The following TTC23 variants were observed in gnomAD, a reference collection of about 807,000 sequenced individuals.
TTC23 encodes tetratricopeptide repeat domain 23.
A neutral mutation model predicts 55.1 loss-of-function variants in TTC23; 58 were observed. The observed-to-expected ratio is 1.05, with a 90% confidence interval of 0.85 to 1.31. TTC23 has a LOEUF of 1.31. Among genes scored for constraint, TTC23 ranks in the 50% most tolerant of loss-of-function variants. The pLI is 0.00. For missense variants in TTC23, 516 were observed against 534.4 expected (o/e 0.97, Z 0.34); for synonymous variants, 203 against 199.9 (o/e 1.02, Z -0.13).
intron 5 of TTC23, among the ~76,000 whole-genome samples, chr15:99,225,948 C>A (rs974937462): frequency 1.3e-5 from 2 of 152,186 alleles, no homozygotes; most frequent in African/African-American, 2.4e-5. Context: ...CTAAGGAGCG[C>A]CCCATGTCAC....
intron 12 of TTC23, among the ~76,000 whole-genome samples, chr15:99,143,544 A>G (rs1555491434): frequency 2.6e-5 from 4 of 152,224 alleles, no homozygotes; most frequent in Non-Finnish European, 5.9e-5. Flanking sequence ...GCTCCTTGTA[A>G]TCAGCCACTA....
At chr15:99,243,683 C>T (rs1193219832) in intron 2 of TTC23, among the ~76,000 whole-genome samples, 2 of 152,054 alleles carry the variant, frequency 1.3e-5, no homozygotes, top group Non-Finnish European at 2.9e-5. Flanking sequence ...ATGGATGAAA[C>T]TGAAGGATAT....
intron 12 of TTC23, among the ~76,000 whole-genome samples, chr15:99,153,184 C>T (rs2070072664): frequency 6.6e-6 from 1 of 152,220 alleles, no homozygotes. Context: ...CTCTCCCTCA[C>T]TAAAATGTCT....
chr15:99,165,264 C>T (rs1398334464), intron 10 of TTC23, among the ~76,000 whole-genome samples: 1 of 152,168 alleles, frequency 6.6e-6, no homozygotes, highest in African/African-American at 2.4e-5. Context: ...TCAAAAGACA[C>T]AGAAGTCTAG....
intron 12 of TTC23, among the ~76,000 whole-genome samples, chr15:99,152,028 C>T (rs1414343713): frequency 6.6e-6 from 1 of 152,146 alleles, no homozygotes; most frequent in Non-Finnish European, 1.5e-5. Context: ...TTATAATCCC[C>T]AATATTGGAG....
chr15:99,216,630 T>C (rs1433449938), intron 8 of TTC23, among the ~76,000 whole-genome samples: 3 of 152,182 alleles, frequency 2.0e-5, no homozygotes, highest in Non-Finnish European at 4.4e-5. Flanking sequence ...TGAAAAGTAT[T>C]CAAACTCACT....
At chr15:99,246,483 T>G (rs1043256472) in intron 1 of TTC23, among the ~76,000 whole-genome samples, 1 of 151,304 alleles carries the variant, frequency 6.6e-6, no homozygotes, top group Non-Finnish European at 1.5e-5. Context: ...GGCATAGTAG[T>G]GGGCACCTGT....
chr15:99,238,766 TG>T (rs2079530758), intron 3 of TTC23, among the ~76,000 whole-genome samples: 1 of 152,168 alleles, frequency 6.6e-6, no homozygotes, highest in African/African-American at 2.4e-5. Context: ...ACACAAATAT[TG>T]GTTCCACAAA....
chr15:99,196,208 T>C (rs1045693900), intron 9 of TTC23, among the ~76,000 whole-genome samples: 1 of 147,074 alleles, frequency 6.8e-6, no homozygotes, highest in African/African-American at 2.5e-5. Context: ...TTAAAGTAAA[T>C]TTGAGACTCT....
intron 9 of TTC23, among the ~76,000 whole-genome samples, chr15:99,188,303 G>A (rs2074916843): frequency 2.0e-5 from 3 of 152,032 alleles, no homozygotes; most frequent in Non-Finnish European, 2.9e-5. Flanking sequence ...AATCCATAGA[G>A]ATAGAAAGTA....
intron 9 of TTC23, among the ~76,000 whole-genome samples, chr15:99,196,151 CAAAAA>C (rs955106376): frequency 2.4e-4 from 14 of 58,936 alleles, no homozygotes; most frequent in African/African-American, 8.5e-4. Flanking sequence ...GACTCTGTCT[CAAAAA>C]AAAAAAAAAA....
chr15:99,184,246 C>A (rs1397858191), intron 9 of TTC23, among the ~76,000 whole-genome samples: 1 of 152,184 alleles, frequency 6.6e-6, no homozygotes, highest in African/African-American at 2.4e-5. Flanking sequence ...TCCACTGGGG[C>A]ACTGCCTAGT....
At chr15:99,192,869 T>G (rs1189367023) in intron 9 of TTC23, among the ~76,000 whole-genome samples, 9 of 152,310 alleles carry the variant, frequency 5.9e-5, no homozygotes, top group Middle Eastern at 6.8e-3. Flanking sequence ...GGCTGTACCC[T>G]GCAAAGCCAC....
intron 13 of TTC23, 88 bp from the exon 14 acceptor site, chr15:99,138,215 C>G (rs2067761687): frequency 1.3e-6 from 2 of 1,538,664 alleles, no homozygotes; most frequent in African/African-American, 2.7e-5. Context: ...AGCAGGTGCC[C>G]AGACCCATTT....
At position 99,151,900 on chromosome 15, in the gene TTC23, G is replaced by A. The variant is rs191953048; in HGVS notation, c.1143+4248C>T. 2.6e-5 allele frequency among the ~76,000 whole-genome samples: 4 copies of A among 152,260 alleles called. No individual in the cohort carries two copies. In the East Asian group the frequency reaches 5.8e-4, roughly 22 times the overall value. ...CTCCACTCCAACAACTCTGAGCCAC[G>A]AGATCAAGGCCAAGACACGTCTCTC... is the stretch of plus-strand genomic sequence containing the variant. On this transcript the variant is annotated intron_variant, in intron 12 of 13. Coordinates refer to ENST00000394132, the MANE Select transcript of TTC23 (RefSeq NM_001288615.3).
intron 6 of TTC23, 23 bp from the exon 7 acceptor site, chr15:99,219,071 C>G: frequency 1.9e-6 from 3 of 1,611,604 alleles, no homozygotes; most frequent in Non-Finnish European, 2.5e-6. Context: ...AAAAAGAGGT[C>G]TCAGTTTCTC....
intron 8 of TTC23, among the ~76,000 whole-genome samples, chr15:99,200,801 T>C (rs1023281663): frequency 1.3e-5 from 2 of 152,178 alleles, no homozygotes; most frequent in African/African-American, 2.4e-5. Context: ...TCTATAATGG[T>C]GGAAAAGTCC....
intron 9 of TTC23, among the ~76,000 whole-genome samples, chr15:99,189,705 A>T (rs1424290608): frequency 6.6e-6 from 1 of 152,238 alleles, no homozygotes; most frequent in Non-Finnish European, 1.5e-5. Context: ...TTCTTCAAAA[A>T]TTTCAATGTC....
intron 9 of TTC23, among the ~76,000 whole-genome samples, chr15:99,199,458 T>TTGTG (rs149241257): frequency 0.022 from 3,213 of 146,096 alleles, 107 homozygotes; most frequent in African/African-American, 0.075. Context: ...GTGTGTGTGT[T>TTGTG]TGTGTGTGTG....
Sources: allele counts gnomAD v4.1 joint callset (sites outside exome capture counted in the v4.1 genomes callset), GRCh38; gene constraint gnomAD v4.1.1; transcripts MANE v1.5; gene names NCBI Gene and HGNC (gene_info 2026-07-23, HGNC 2026-07-21).